PHC2: variants seen among roughly 807,000 people sequenced by gnomAD.
The protein encoded by PHC2 is polyhomeotic-like protein 2.
In PHC2, 29 loss-of-function variants were observed where a neutral mutation model predicts 87.4. That is an observed-to-expected ratio of 0.33 (90% confidence interval 0.25 to 0.45). The LOEUF is 0.45. Among genes scored for constraint, PHC2 ranks in the 20% least tolerant of loss-of-function variants. The pLI is 1.00. For missense variants in PHC2, 857 were observed against 1,136.7 expected (o/e 0.75, Z 3.54); for synonymous variants, 438 against 461.7 (o/e 0.95, Z 0.66).
intron 1 of PHC2, among the ~76,000 whole-genome samples, chr1:33,378,696 G>C (rs989195729): frequency 6.6e-6 from 1 of 152,130 alleles, no homozygotes. Context: ...GTGATTGAGA[G>C]AGCAATCAAG....
Position 33,349,954 on chromosome 1 carries a change from C to G in PHC2, c.1558+4447G>C. 15 of 120,950 alleles carry G rather than the reference C, an allele frequency of 1.2e-4. No individual in the cohort carries two copies. Among genetic ancestry groups the G allele is most frequent in the Non-Finnish European group, 2.4e-4 (14 of 59,108 alleles). The allele number at this position is 120,950 out of a possible 1,614,324, so 7.5% of individuals were successfully genotyped here. A position where few individuals can be genotyped will look rare whatever the true frequency, so the allele number is the denominator to read the frequency against. ...CTCCGCCGGGGGCGGGGCGAGGGAG[C>G]GGGGCGGGGAGGGGCGGGGCCGCGG... On this transcript the variant is annotated intron_variant, in intron 9 of 14. Transcript: ENST00000683057. The surrounding 1 kb of genome is among the most constrained non-coding windows in gnomAD (Gnocchi z 4.2).
At position 33,343,840 on chromosome 1, in the gene PHC2, T is replaced by C. The variant is rs573799586; in HGVS notation, c.1559-9548A>G. Reference sequence around the variant, plus strand: ...CGTCGGTAGTCCTGTCCTTGCACTGTTGAGGTCAGGCTTCAGGAAGAAATG... The same window carrying C: ...CGTCGGTAGTCCTGTCCTTGCACTGCTGAGGTCAGGCTTCAGGAAGAAATG... On this transcript the variant is annotated intron_variant, in intron 9 of 14. Coordinates refer to ENST00000683057, the MANE Select transcript of PHC2 (RefSeq NM_001385109.1). 1.8e-4 allele frequency among the ~76,000 whole-genome samples: 28 copies of C among 152,364 alleles called. No individual in the cohort carries two copies. In the South Asian group the frequency reaches 5.0e-3, roughly 27 times the overall value.
intron 9 of PHC2, among the ~76,000 whole-genome samples, chr1:33,335,900 G>C (rs1229203325): frequency 1.4e-5 from 2 of 142,984 alleles, no homozygotes; most frequent in African/African-American, 5.0e-5. Context: ...ACTCTATCTT[G>C]GGGGGGGAGG....
At position 33,367,279 on chromosome 1, in the gene PHC2, A is replaced by G; in HGVS notation, c.813T>C (p.Thr271=). Residue 271 remains threonine (T), a synonymous_variant, in exon 7 of 15, where the codon ACT becomes ACC. Transcript: ENST00000683057. The part of the protein sequence containing the change: ...PLPTPAQSRN[T]AQASPAGAKP... The stretch of plus-strand genomic sequence containing the variant: ...TGGCACCTGCAGGGGAAGCCTGAGC[A>G]GTATTTCTGCTCTGTGCTGGGGTAG... 1 of 1,614,156 alleles carries G rather than the reference A, an allele frequency of 6.2e-7. No homozygotes were observed. The highest frequency in any genetic ancestry group is 2.2e-5 in the East Asian group (1 of 44,868).
chr1:33,390,206 TG>T (rs1487591315), intron 1 of PHC2, among the ~76,000 whole-genome samples: 2 of 152,160 alleles, frequency 1.3e-5, no homozygotes, highest in Non-Finnish European at 2.9e-5. Context: ...CTTTTAACCA[TG>T]GTAGCATATA....
rs1236882676 is a variant in PHC2, at chr1:33,324,335, A to C, written c.*530T>G. On this transcript the variant is annotated 3_prime_UTR_variant, in exon 15 of 15. Transcript: ENST00000683057. ...CAGCAGGCACGGCCCGGCTGGGCCCAGCTTCTCTCTCTCCACCTGCAGAGG... is the reference window on the plus strand; with the variant it reads ...CAGCAGGCACGGCCCGGCTGGGCCCCGCTTCTCTCTCTCCACCTGCAGAGG... The C allele has an allele frequency of 6.5e-6, 1 of 153,068 alleles. No individual in the cohort carries two copies. The highest frequency in any genetic ancestry group is 2.4e-5 in the African/African-American group (1 of 41,462). 9.5% of individuals were successfully genotyped at this position (153,068 alleles called of 1,614,324 possible).
At chr1:33,336,426 G>A (rs1309975370) in intron 9 of PHC2, 3 of 147,700 alleles carry the variant, frequency 2.0e-5, no homozygotes, top group African/African-American at 7.6e-5. Context: ...TCTGAGCTGA[G>A]CAGGGGCCAT....
chr1:33,329,035 T>C lies in PHC2; in HGVS notation c.2260A>G (p.Ile754Val), dbSNP rs1294657850. The change falls in exon 14 of 15, where the codon ATC becomes GTC. Residue 754 changes from isoleucine (I) to valine (V), a missense_variant. By Grantham distance (29) the Ile-to-Val change is conservative. This residue lies in a region of PHC2 where 832 missense variants were observed against 1,081.8 expected (regional missense o/e 0.77). Transcript: ENST00000683057. ...NSSYEEPLSP[I>V]SASSSTSRRR... ...CGGGAAGTAGATGAGCTGGCTGAGA[T>C]GGGTGACAAGGGTTCCTCATAGCTT... 6.2e-7 allele frequency: 1 copy of C among 1,614,196 alleles called. No individual in the cohort carries two copies. Among genetic ancestry groups the C allele is most frequent in the Non-Finnish European group, 8.5e-7 (1 of 1,180,038 alleles).
At position 33,369,034 on chromosome 1, in the gene PHC2, C is replaced by A. The variant is rs1647660853; in HGVS notation, c.577-412G>T. 6.6e-6 allele frequency among the ~76,000 whole-genome samples: 1 copy of A among 152,188 alleles called. No homozygotes were observed. Among genetic ancestry groups the A allele is most frequent in the African/African-American group, 2.4e-5 (1 of 41,434 alleles). ...GGAAGCGAGATGGATGCCCTAGGAC[C>A]ACCTTCCAGGTCTAACCCACTGCTG... On this transcript the variant is annotated intron_variant, in intron 5 of 14. Coordinates refer to ENST00000683057, the MANE Select transcript of PHC2 (RefSeq NM_001385109.1). This position sits in a 1 kb window ranked among gnomAD's most constrained non-coding sequence, Gnocchi z 4.7.
At chr1:33,426,704 G>A (rs1650686052) in intron 1 of PHC2, among the ~76,000 whole-genome samples, 1 of 152,110 alleles carries the variant, frequency 6.6e-6, no homozygotes, top group African/African-American at 2.4e-5. Context: ...AGTCCAAAAT[G>A]AGGGGACCAT....
At chr1:33,405,707 T>C (rs147315826) in intron 1 of PHC2, among the ~76,000 whole-genome samples, 173 of 152,358 alleles carry the variant, frequency 1.1e-3, no homozygotes, top group African/African-American at 3.9e-3. Flanking sequence ...AAAGTTTATA[T>C]ATAGTATTTT....
chr1:33,331,530 A>G lies in PHC2; in HGVS notation c.1892-68T>C. 1.1e-6 allele frequency: 1 copy of G among 883,632 alleles called. No homozygotes were observed. Among genetic ancestry groups the G allele is most frequent in the Non-Finnish European group, 1.9e-6 (1 of 530,556 alleles). 54.7% of individuals were successfully genotyped at this position (883,632 alleles called of 1,614,324 possible). On this transcript the variant is annotated intron_variant, in intron 11 of 14. Coordinates refer to ENST00000683057, the MANE Select transcript of PHC2 (RefSeq NM_001385109.1). This position sits in a 1 kb window ranked among gnomAD's most constrained non-coding sequence, Gnocchi z 5.2. The stretch of plus-strand genomic sequence containing the variant: ...CTGCAGGACTGTGGCCAGCCCCACC[A>G]CGGGGCCTCCCTACTCCATCCTGCC...
chr1:33,337,218 G>A (rs923272058), intron 9 of PHC2, among the ~76,000 whole-genome samples: 4 of 152,150 alleles, frequency 2.6e-5, no homozygotes, highest in Non-Finnish European at 5.9e-5. Context: ...TCTTGCCAAT[G>A]CTTGAAAATT....
At chr1:33,410,879 T>C (rs1649955377) in intron 1 of PHC2, among the ~76,000 whole-genome samples, 1 of 152,208 alleles carries the variant, frequency 6.6e-6, no homozygotes, top group African/African-American at 2.4e-5. Flanking sequence ...CCTTCCTTTA[T>C]ATAAAGAGAA....
At chr1:33,393,796 C>T (rs1487948554) in intron 1 of PHC2, among the ~76,000 whole-genome samples, 2 of 24,274 alleles carry the variant, frequency 8.2e-5, no homozygotes, top group African/African-American at 7.7e-4. Context: ...GATCAGCCCA[C>T]ATCACCATCA....
At chr1:33,366,800 CA>C (rs1647477126) in intron 7 of PHC2, among the ~76,000 whole-genome samples, 1 of 152,216 alleles carries the variant, frequency 6.6e-6, no homozygotes, top group Non-Finnish European at 1.5e-5. Context: ...CAAAATAGTT[CA>C]ACTGCCTGCC....
chr1:33,367,502 A>G (rs1260747125), intron 6 of PHC2, 74 bp from the exon 7 acceptor site: 1 of 1,185,574 alleles, frequency 8.4e-7, no homozygotes, highest in Non-Finnish European at 1.2e-6. Flanking sequence ...AGAGGGAGAG[A>G]GGGATGGATC....
At chr1:33,384,983 A>G (rs1648667176) in intron 1 of PHC2, among the ~76,000 whole-genome samples, 1 of 152,246 alleles carries the variant, frequency 6.6e-6, no homozygotes, top group South Asian at 2.1e-4. Context: ...ATGTTATCTG[A>G]GAAGGGACCT....
chr1:33,375,301 ACCT>A (rs1317515426), intron 2 of PHC2, 62 bp downstream of exon 2: 2 of 1,337,210 alleles, frequency 1.5e-6, no homozygotes, highest in Non-Finnish European at 1.0e-6. Context: ...CCATGCCAAC[ACCT>A]CCTCCTTGCT....
Sources: gnomAD v4.1 joint callset for allele counts (sites outside exome capture counted in the v4.1 genomes callset) on GRCh38, gnomAD v4.1.1 for gene constraint, gnomAD v4.1.1 regional missense constraint, Gnocchi (gnomAD v3.1) non-coding constraint, MANE v1.5 for transcripts, NCBI Gene and HGNC (gene_info 2026-07-23, HGNC 2026-07-21) for gene names.